The following HTR4 variants were observed in gnomAD, a reference collection of about 807,000 sequenced individuals.
HTR4 encodes the protein 5-hydroxytryptamine (serotonin) receptor 4, G protein-coupled.
In HTR4, 16 loss-of-function variants were observed where a neutral mutation model predicts 36.8. The ratio of observed to expected loss-of-function variants is 0.43; its 90% CI spans 0.29 to 0.66. The LOEUF (loss-of-function observed/expected upper bound fraction) is 0.66, where lower values mean the gene tolerates loss of function less well. Among genes scored for constraint, HTR4 ranks in the 30% least tolerant of loss-of-function variants. HTR4 has a pLI of 0.13. For missense variants in HTR4, 438 were observed against 490.9 expected (o/e 0.89, Z 1.02); for synonymous variants, 189 against 185.1 (o/e 1.02, Z -0.17).
intron 2 of HTR4, among the ~76,000 whole-genome samples, chr5:148,572,993 T>C (rs1760736477): frequency 6.6e-6 from 1 of 152,084 alleles, no homozygotes; most frequent in Non-Finnish European, 1.5e-5. Flanking sequence ...GGTTTAGAAT[T>C]ATTCCCTGTG....
At chr5:148,505,314 AT>A (rs1757140044) in intron 6 of HTR4, among the ~76,000 whole-genome samples, 1 of 152,324 alleles carries the variant, frequency 6.6e-6, no homozygotes, top group African/African-American at 2.4e-5. Context: ...CTTTGACAAA[AT>A]TCAACAGCCC....
intron 5 of HTR4, among the ~76,000 whole-genome samples, chr5:148,458,666 C>T (rs1187052071): frequency 1.3e-5 from 2 of 152,098 alleles, no homozygotes; most frequent in African/African-American, 2.4e-5. Flanking sequence ...GCAAAAGGAC[C>T]AGCAAGAGCA....
chr5:148,510,072 A>G (rs1300280420), intron 5 of HTR4, 48 bp from the exon 6 acceptor site: 2 of 1,304,240 alleles, frequency 1.5e-6, no homozygotes, highest in East Asian at 4.9e-5. Flanking sequence ...GTAAAAAGGA[A>G]AGAAAAAGTG....
intron 2 of HTR4, among the ~76,000 whole-genome samples, chr5:148,574,268 C>T (rs1760795983): frequency 6.6e-6 from 1 of 152,014 alleles, no homozygotes. Context: ...ACAGACAGGA[C>T]AGCAAATGGT....
At chr5:148,588,786 C>T (rs867040139) in intron 2 of HTR4, among the ~76,000 whole-genome samples, 4 of 151,276 alleles carry the variant, frequency 2.6e-5, no homozygotes, top group Non-Finnish European at 2.9e-5. Context: ...ATGATCCACC[C>T]GCCTCGGCCT....
In HTR4 at chr5:148,520,682, T is replaced by C. The variant is rs781139605; in HGVS notation, c.507+2511A>G. ...GCCTAAGTGAGGTTCCCAGGAATAA[T>C]GATTAACAGGGGGCTTCATACATAC... On this transcript the variant is annotated intron_variant, in intron 5 of 6. Coordinates refer to ENST00000377888, the MANE Select transcript of HTR4 (RefSeq NM_000870.7). Among the ~76,000 whole-genome samples, 71 of 152,202 alleles carry C rather than the reference T, an allele frequency of 4.7e-4. 1 individual carries two copies. The highest frequency in any genetic ancestry group is 1.9e-4 in the Non-Finnish European group (13 of 68,042).
intron 2 of HTR4, among the ~76,000 whole-genome samples, chr5:148,559,507 A>G (rs950231667): frequency 6.6e-6 from 1 of 152,198 alleles, no homozygotes; most frequent in Admixed American, 6.5e-5. Context: ...AAATAACCTG[A>G]GCAATACTAT....
At chr5:148,625,214 A>G (rs1401394304) in intron 2 of HTR4, among the ~76,000 whole-genome samples, 1 of 152,186 alleles carries the variant, frequency 6.6e-6, no homozygotes, top group Admixed American at 6.5e-5. Flanking sequence ...GATGATGCCA[A>G]TCATGCAGAA....
intron 2 of HTR4, among the ~76,000 whole-genome samples, chr5:148,594,930 G>A (rs1297125006): frequency 2.0e-5 from 3 of 152,088 alleles, no homozygotes; most frequent in African/African-American, 4.8e-5. Context: ...GTTTTCCCAT[G>A]TATTTACTCC....
At chr5:148,571,136 G>C (rs1760658469) in intron 2 of HTR4, among the ~76,000 whole-genome samples, 1 of 152,072 alleles carries the variant, frequency 6.6e-6, no homozygotes, top group Non-Finnish European at 1.5e-5. Flanking sequence ...CCAGCCACTT[G>C]TGTAAGTGAA....
intron 6 of HTR4, among the ~76,000 whole-genome samples, chr5:148,494,849 T>C (rs1354501232): frequency 6.6e-6 from 1 of 152,214 alleles, no homozygotes; most frequent in African/African-American, 2.4e-5. Flanking sequence ...TTCATTTTGG[T>C]TAAATTAAAA....
intron 5 of HTR4, among the ~76,000 whole-genome samples, chr5:148,458,828 A>G (rs766901979): frequency 8.5e-5 from 13 of 152,192 alleles, no homozygotes; most frequent in Non-Finnish European, 1.5e-4. Flanking sequence ...CAAGTTCATG[A>G]GCAGGGGAGG....
intron 5 of HTR4, among the ~76,000 whole-genome samples, chr5:148,510,472 C>G (rs1455827755): frequency 6.6e-6 from 1 of 152,216 alleles, no homozygotes; most frequent in African/African-American, 2.4e-5. Context: ...AGATCAGTCT[C>G]TTAACAGAAT....
At chr5:148,535,538 A>G (rs2113821273) in intron 4 of HTR4, among the ~76,000 whole-genome samples, 1 of 152,356 alleles carries the variant, frequency 6.6e-6, no homozygotes, top group East Asian at 1.9e-4. Context: ...TAAAAAAAGA[A>G]CATAATGGAT....
At chr5:148,479,827 GATCTCAGTGC>G (rs1308765358), downstream of HTR4, among the ~76,000 whole-genome samples, 1 of 152,186 alleles carries the variant, frequency 6.6e-6, no homozygotes, top group African/African-American at 2.4e-5. Context: ...TCACACAAGG[GATCTCAGTGC>G]ATTATAAACT....
intron 6 of HTR4, among the ~76,000 whole-genome samples, chr5:148,495,893 G>A (rs768322050): frequency 6.6e-6 from 1 of 152,060 alleles, no homozygotes; most frequent in Non-Finnish European, 1.5e-5. Flanking sequence ...ACGAGGTCAG[G>A]AGTTCGAGAC....
intron 6 of HTR4, among the ~76,000 whole-genome samples, chr5:148,495,771 A>G (rs1756657130): frequency 6.6e-6 from 1 of 152,190 alleles, no homozygotes; most frequent in African/African-American, 2.4e-5. Flanking sequence ...TCTGATAATT[A>G]TATTTTACCA....
intron 2 of HTR4, among the ~76,000 whole-genome samples, chr5:148,579,419 G>C (rs1352405296): frequency 6.6e-6 from 1 of 152,018 alleles, no homozygotes; most frequent in African/African-American, 2.4e-5. Context: ...AAAAATTTTA[G>C]AGTCAGCCAG....
At chr5:148,468,999 TC>T (rs1755502176) in intron 5 of HTR4, among the ~76,000 whole-genome samples, 1 of 152,042 alleles carries the variant, frequency 6.6e-6, no homozygotes, top group African/African-American at 2.4e-5. Flanking sequence ...TCCTGAGGCC[TC>T]CCCAGCCCTG....
Sources: allele counts gnomAD v4.1 joint callset (sites outside exome capture counted in the v4.1 genomes callset), GRCh38; gene constraint gnomAD v4.1.1; transcripts MANE v1.5; gene names NCBI Gene and HGNC (gene_info 2026-07-23, HGNC 2026-07-21).